SRPRB: variants seen among roughly 807,000 people sequenced by gnomAD.
SRPRB encodes signal recognition particle receptor subunit beta.
Under a neutral mutation model 31.9 loss-of-function variants are expected in SRPRB, and 20 were observed. That is an observed-to-expected ratio of 0.63 (90% confidence interval 0.44 to 0.91). The LOEUF (loss-of-function observed/expected upper bound fraction) is 0.91, where lower values mean the gene tolerates loss of function less well. SRPRB is among the 40% of genes least tolerant of loss of function. The pLI is 0.00. For synonymous variants in SRPRB, 146 were observed against 132.8 expected (o/e 1.10, Z -0.68); for missense variants, 321 against 324.9 (o/e 0.99, Z 0.09).
chr3:133,819,526 C>T (rs769262746), intron 6 of SRPRB, 27 bp from the exon 7 acceptor site: 9 of 1,598,788 alleles, frequency 5.6e-6, no homozygotes, highest in Admixed American at 1.7e-5. Context: ...AATTTTGCCT[C>T]CTGACTTCTT....
In SRPRB at chr3:133,815,866, A is replaced by G. The variant is rs943674619; in HGVS notation, c.547+140A>G. 6 of 1,085,302 alleles carry G rather than the reference A, an allele frequency of 5.5e-6. No individual in the cohort carries two copies. In the Admixed American group the frequency reaches 1.1e-4, roughly 20 times the overall value. 67.2% of individuals were successfully genotyped at this position (1,085,302 alleles called of 1,614,324 possible). A position where few individuals can be genotyped will look rare whatever the true frequency, so the allele number is the denominator to read the frequency against. On this transcript the variant is annotated intron_variant, in intron 5 of 6. Coordinates refer to ENST00000678299, the MANE Select transcript of SRPRB (RefSeq NM_001379313.1). ...AGAACTATAAATTGAAGGATTTTTAATCTTAAAATTTATTTCTACTCCTAC... is the reference window on the plus strand; with the variant it reads ...AGAACTATAAATTGAAGGATTTTTAGTCTTAAAATTTATTTCTACTCCTAC...
chr3:133,784,878 T>C (rs1458058972), intron 1 of SRPRB: 1 of 152,294 alleles, frequency 6.6e-6, no homozygotes, highest in African/African-American at 2.4e-5. Flanking sequence ...ATTCCAACCA[T>C]TGTTCTGTGT....
upstream of SRPRB, among the ~76,000 whole-genome samples, chr3:133,804,608 C>T (rs897176591): frequency 6.6e-5 from 10 of 152,002 alleles, no homozygotes; most frequent in Admixed American, 3.3e-4. Flanking sequence ...TGTAAGGTTG[C>T]GATGGCCTTT....
chr3:133,815,485 T>C (rs1935349662), intron 4 of SRPRB, 105 bp from the exon 5 acceptor site: 1 of 1,361,970 alleles, frequency 7.3e-7, no homozygotes, highest in Non-Finnish European at 1.0e-6. Flanking sequence ...GTCTGCTGAG[T>C]GTTAATCACC....
intron 6 of SRPRB, among the ~76,000 whole-genome samples, chr3:133,818,343 C>T (rs946001630): frequency 8.5e-5 from 13 of 152,094 alleles, no homozygotes; most frequent in African/African-American, 3.1e-4. Context: ...TAGAGAAAAA[C>T]AATACAGAAG....
chr3:133,802,144 C>CA (rs1935071637), upstream of SRPRB, among the ~76,000 whole-genome samples: 1 of 152,172 alleles, frequency 6.6e-6, no homozygotes, highest in Middle Eastern at 3.2e-3. Context: ...GTGGCTTGTG[C>CA]CTGTAATCCC....
upstream of SRPRB, among the ~76,000 whole-genome samples, chr3:133,804,187 C>T (rs937338976): frequency 6.6e-6 from 1 of 151,704 alleles, no homozygotes; most frequent in African/African-American, 2.4e-5. Flanking sequence ...AATTCTTGGC[C>T]TCAAGCAATC....
intron 1 of SRPRB, among the ~76,000 whole-genome samples, chr3:133,799,363 G>A (rs895693206): frequency 2.0e-5 from 3 of 152,180 alleles, no homozygotes; most frequent in Non-Finnish European, 4.4e-5. Context: ...AGAGAGTGCA[G>A]TAGAGCTATA....
At chr3:133,808,826 G>A (rs141287136) in intron 3 of SRPRB, among the ~76,000 whole-genome samples, 3,936 of 149,578 alleles carry the variant, frequency 0.026, 77 homozygotes, top group Non-Finnish European at 0.038. Context: ...GGAGGTGGAG[G>A]TGGCAGTGAG....
upstream of SRPRB, among the ~76,000 whole-genome samples, chr3:133,803,627 G>A (rs56781958): frequency 6.6e-6 from 1 of 151,120 alleles, no homozygotes; most frequent in East Asian, 2.0e-4. Context: ...GCTACTCGCT[G>A]ACACATTAGT....
intron 1 of SRPRB, among the ~76,000 whole-genome samples, chr3:133,806,376 G>A (rs557172981): frequency 1.3e-5 from 2 of 152,348 alleles, no homozygotes; most frequent in South Asian, 4.1e-4. Context: ...AAGGTAGTGA[G>A]ATAGCACCTG....
upstream of SRPRB, among the ~76,000 whole-genome samples, chr3:133,804,086 A>G (rs1412856077): frequency 1.8e-5 from 2 of 112,770 alleles, no homozygotes; most frequent in Non-Finnish European, 3.4e-5. Context: ...ACAGAGCGAG[A>G]CTCTGTCTCA....
intron 1 of SRPRB, chr3:133,784,659 ACT>A (rs1934611643): frequency 6.6e-6 from 1 of 151,726 alleles, no homozygotes; most frequent in East Asian, 1.9e-4. Flanking sequence ...TCCTTATGAG[ACT>A]CTAATAATGC....
intron 6 of SRPRB, among the ~76,000 whole-genome samples, chr3:133,818,289 A>G (rs1040891230): frequency 3.9e-5 from 6 of 152,220 alleles, no homozygotes; most frequent in East Asian, 1.9e-4. Flanking sequence ...CCGTGGTTAA[A>G]ACACATGTTT....
chr3:133,813,753 C>T (rs192496867), intron 4 of SRPRB, among the ~76,000 whole-genome samples: 287 of 152,342 alleles, frequency 1.9e-3, no homozygotes, highest in Non-Finnish European at 3.2e-3. Context: ...CAGAACCTTT[C>T]TTCAAGAGTG....
intron 6 of SRPRB, 60 bp from the exon 7 acceptor site, chr3:133,819,493 A>G (rs1285217253): frequency 4.1e-6 from 6 of 1,477,310 alleles, no homozygotes; most frequent in Non-Finnish European, 5.6e-6. Context: ...TTAGAAACTA[A>G]TATGATTTAA....
chr3:133,818,328 A>G (rs1935401596), intron 6 of SRPRB, among the ~76,000 whole-genome samples: 1 of 152,218 alleles, frequency 6.6e-6, no homozygotes, highest in Non-Finnish European at 1.5e-5. Context: ...TTCACTCTAT[A>G]GACTTAGAGA....
Position 133,821,424 on chromosome 3 carries a change from CATGTT to C in SRPRB, c.*1663_*1667del, listed in dbSNP as rs1478214218. 3.3e-5 allele frequency: 5 copies of C among 152,134 alleles called. No individual in the cohort carries two copies. The highest frequency in any genetic ancestry group is 9.7e-5 in the African/African-American group (4 of 41,432). The allele number at this position is 152,134 out of a possible 1,614,324, so 9.4% of individuals were successfully genotyped here. A position where few individuals can be genotyped will look rare whatever the true frequency, so the allele number is the denominator to read the frequency against. ...AAGTAGGTAAGAGCAATAAATGTGA[CATGTT>C]ATGTCATCATAGTAGGAGCTCATGG... On this transcript the variant is annotated 3_prime_UTR_variant, in exon 7 of 7. Transcript: ENST00000678299.
chr3:133,804,580 C>A (rs1322275518), upstream of SRPRB, among the ~76,000 whole-genome samples: 1 of 152,176 alleles, frequency 6.6e-6, no homozygotes, highest in East Asian at 1.9e-4. Flanking sequence ...GCCGTCCTAA[C>A]AGATGTATTT....
Sources: gnomAD v4.1 joint callset for allele counts (sites outside exome capture counted in the v4.1 genomes callset) on GRCh38, gnomAD v4.1.1 for gene constraint, MANE v1.5 for transcripts, NCBI Gene and HGNC (gene_info 2026-07-23, HGNC 2026-07-21) for gene names.